Variants in ADAMTS18 observed in about 807,000 individuals in gnomAD.
The protein encoded by ADAMTS18 is ADAM metallopeptidase with thrombospondin type 1 motif 18.
Under a neutral mutation model 165.9 loss-of-function variants are expected in ADAMTS18, and 157 were observed. The observed-to-expected ratio is 0.95, with a 90% CI of 0.83 to 1.08. ADAMTS18 has a LOEUF of 1.08. ADAMTS18 is among the 50% of genes least tolerant of loss of function. The pLI is 0.00. For missense variants in ADAMTS18, 2,040 were observed against 1,534.0 expected (o/e 1.33, Z -5.51); for synonymous variants, 782 against 578.2 (o/e 1.35, Z -5.06).
intron 3 of ADAMTS18, among the ~76,000 whole-genome samples, chr16:77,411,655 G>C (rs2057464737): frequency 7.0e-6 from 1 of 143,062 alleles, no homozygotes; most frequent in Admixed American, 7.0e-5. Flanking sequence ...TTGTCAACTT[G>C]ATGGACCACA....
intron 1 of ADAMTS18, 47 bp downstream of exon 1, chr16:77,434,559 G>T: frequency 7.2e-6 from 11 of 1,531,650 alleles, no homozygotes; most frequent in Non-Finnish European, 9.6e-6. Flanking sequence ...GCTGGCGTCG[G>T]GCGCCCCCTG....
chr16:77,351,318 T>C (rs1428836), intron 10 of ADAMTS18, among the ~76,000 whole-genome samples: 73,442 of 152,034 alleles, frequency 0.48, 18,480 homozygotes, highest in East Asian at 0.88. Flanking sequence ...CAATCTTTTA[T>C]TTTGGAATTT....
Position 77,434,751 on chromosome 16 carries a change from G to C in ADAMTS18, c.-56C>G, listed in dbSNP as rs530309075. ...GCCAGACGCGGCAGGCGGAGCGCAC[G>C]GGCGGCGCGCATTCTTTCCGCGGCC... On this transcript the variant is annotated 5_prime_UTR_variant, in exon 1 of 23. Coordinates refer to ENST00000282849, the MANE Select transcript of ADAMTS18 (RefSeq NM_199355.4). 2.8e-4 allele frequency: 377 copies of C among 1,337,716 alleles called. 4 individuals carry two copies. In the African/African-American group the frequency reaches 5.2e-3, roughly 19 times the overall value. The allele number at this position is 1,337,716 out of a possible 1,614,324, so 82.9% of individuals were successfully genotyped here.
At chr16:77,286,339 G>A (rs1459099335) in intron 22 of ADAMTS18, among the ~76,000 whole-genome samples, 1 of 152,102 alleles carries the variant, frequency 6.6e-6, no homozygotes, top group Non-Finnish European at 1.5e-5. Context: ...CTGACACTGT[G>A]TGCTAATTGG....
At chr16:77,413,685 A>T (rs1003704081) in intron 3 of ADAMTS18, among the ~76,000 whole-genome samples, 2 of 151,260 alleles carry the variant, frequency 1.3e-5, no homozygotes, top group Non-Finnish European at 2.9e-5. Flanking sequence ...GTTATTTAGT[A>T]TACTTAAATA....
At chr16:77,359,447 G>A (rs1360307917) in intron 7 of ADAMTS18, 24 bp from the exon 8 acceptor site, 1 of 1,595,600 alleles carries the variant, frequency 6.3e-7, no homozygotes, top group Non-Finnish European at 8.6e-7. Context: ...AGTTTCAAAT[G>A]TGAATCCAAA....
chr16:77,294,013 T>C (rs932009307), intron 19 of ADAMTS18, among the ~76,000 whole-genome samples: 18 of 151,966 alleles, frequency 1.2e-4, no homozygotes, highest in African/African-American at 4.4e-4. Context: ...TCTGGTAGTG[T>C]ATTGCTGAAA....
rs908131490 is a variant in ADAMTS18, at chr16:77,364,520, G to T, written c.779-139C>A. ...AATCCACTAACAAGTGATGCTATCA[G>T]TGCCTGCCCAGGTGCCTTGCATCTA... On this transcript the variant is annotated intron_variant, in intron 4 of 22. Transcript: ENST00000282849. The T allele has an allele frequency of 4.3e-6, 4 of 924,340 alleles. No individual in the cohort carries two copies. The African/African-American group carries it at 6.9e-5, about 16-fold the overall frequency. The allele number at this position is 924,340 out of a possible 1,614,324, so 57.3% of individuals were successfully genotyped here.
Position 77,364,391 on chromosome 16 carries a change from A to G in ADAMTS18, c.779-10T>C. The G allele has an allele frequency of 6.2e-7, 1 of 1,613,372 alleles. No individual in the cohort carries two copies. Among genetic ancestry groups the G allele is most frequent in the Non-Finnish European group, 8.5e-7 (1 of 1,179,756 alleles). On this transcript the variant is annotated splice_polypyrimidine_tract_variant and intron_variant, in intron 4 of 22. Coordinates refer to ENST00000282849, the MANE Select transcript of ADAMTS18 (RefSeq NM_199355.4). ...GGAGGCTTGGGAGCATCTACGATGA[A>G]CAGAAGAGCATTTGGAAGGGATATT...
chr16:77,340,054 C>T (rs1017822282), intron 11 of ADAMTS18, among the ~76,000 whole-genome samples: 4 of 152,164 alleles, frequency 2.6e-5, no homozygotes, highest in African/African-American at 9.6e-5. Flanking sequence ...TAATCTCAAG[C>T]AAGATTCAGC....
At chr16:77,336,461 G>A (rs75403948) in intron 11 of ADAMTS18, among the ~76,000 whole-genome samples, 49 of 152,166 alleles carry the variant, frequency 3.2e-4, no homozygotes, top group Admixed American at 6.5e-4. Context: ...TTCCAAACCC[G>A]TCACTATAGA....
rs982582092 is a variant in ADAMTS18, at chr16:77,341,770, T to G, written c.1644A>C (p.Arg548=). 9 of 1,613,254 alleles carry G rather than the reference T, an allele frequency of 5.6e-6. No homozygotes were observed. In the African/African-American group the frequency reaches 1.1e-4, roughly 19 times the overall value. ...ACTTGGTCTCACACCTGTGGCCTACTCGGTGGCACCAAAGTGATTTGCAAA... is the reference window on the plus strand; with the variant it reads ...ACTTGGTCTCACACCTGTGGCCTACGCGGTGGCACCAAAGTGATTTGCAAA... ...KDICKSLWCH[R]VGHRCETKFM... The change falls in exon 11 of 23, where the codon CGA becomes CGC. Residue 548 remains arginine, a synonymous_variant. Coordinates refer to ENST00000282849, the MANE Select transcript of ADAMTS18 (RefSeq NM_199355.4).
intron 10 of ADAMTS18, among the ~76,000 whole-genome samples, chr16:77,352,004 C>G (rs8053510): frequency 0.33 from 50,721 of 152,008 alleles, 9,073 homozygotes; most frequent in East Asian, 0.63. Flanking sequence ...CAAATCTTGA[C>G]ATTATAAGTA....
chr16:77,397,077 G>A (rs1459713204), intron 3 of ADAMTS18, among the ~76,000 whole-genome samples: 1 of 152,128 alleles, frequency 6.6e-6, no homozygotes, highest in Non-Finnish European at 1.5e-5. Flanking sequence ...CCAAAGTGCT[G>A]GAATTTTAGG....
intron 3 of ADAMTS18, among the ~76,000 whole-genome samples, chr16:77,413,594 A>T (rs1326309575): frequency 6.6e-6 from 1 of 152,200 alleles, no homozygotes; most frequent in Non-Finnish European, 1.5e-5. Context: ...AGGGAGGGAA[A>T]TTTATAATAG....
Position 77,381,197 on chromosome 16 carries a change from T to C in ADAMTS18, c.496-13474A>G, listed in dbSNP as rs532684237. 1.6e-4 allele frequency among the ~76,000 whole-genome samples: 25 copies of C among 152,028 alleles called. No individual in the cohort carries two copies. The South Asian group carries it at 4.4e-3, about 27-fold the overall frequency. On this transcript the variant is annotated intron_variant, in intron 3 of 22. Coordinates refer to ENST00000282849, the MANE Select transcript of ADAMTS18 (RefSeq NM_199355.4). Reference sequence around the variant, plus strand: ...CCTTGCAGCTCTACCTGATGGGTACTTTATTAACACTTCTATATCAGGGGG... The same window carrying C: ...CCTTGCAGCTCTACCTGATGGGTACCTTATTAACACTTCTATATCAGGGGG...
At chr16:77,407,609 G>C (rs2057409614) in intron 3 of ADAMTS18, among the ~76,000 whole-genome samples, 1 of 152,020 alleles carries the variant, frequency 6.6e-6, no homozygotes, top group African/African-American at 2.4e-5. Flanking sequence ...TTTAAAAAGT[G>C]AAATAAAATA....
rs2144736621 is a variant in ADAMTS18 at position 77,364,212 on chromosome 16, T to C, written c.948A>G (p.Thr316=). The C allele has an allele frequency of 3.1e-6, 5 of 1,614,124 alleles. No individual in the cohort carries two copies. The highest frequency in any genetic ancestry group is 4.2e-6 in the Non-Finnish European group (5 of 1,180,028). Residue 316 remains threonine (T), a synonymous_variant, in exon 5 of 23, where the codon ACA becomes ACG. Coordinates refer to ENST00000282849, the MANE Select transcript of ADAMTS18 (RefSeq NM_199355.4). ...VEKHGKGNVT[T]YILTVMNMVS... is the part of the protein sequence containing the mutation. Reference sequence around the variant, plus strand: ...CCATGTTCATTACTGTGAGAATGTATGTGGTGACATTTCCCTTGCCATGCT... The same window carrying C: ...CCATGTTCATTACTGTGAGAATGTACGTGGTGACATTTCCCTTGCCATGCT...
At chr16:77,285,557 C>A (rs560026802) in intron 22 of ADAMTS18, among the ~76,000 whole-genome samples, 19 of 151,152 alleles carry the variant, frequency 1.3e-4, no homozygotes, top group Non-Finnish European at 2.4e-4. Context: ...CTTAGAGTTC[C>A]TTCTTCAAGC....
Sources: allele counts gnomAD v4.1 joint callset (sites outside exome capture counted in the v4.1 genomes callset), GRCh38; gene constraint gnomAD v4.1.1; transcripts MANE v1.5; gene names NCBI Gene and HGNC (gene_info 2026-07-23, HGNC 2026-07-21).